PPM1L: variants seen among roughly 807,000 people sequenced by gnomAD.
The protein encoded by PPM1L is protein phosphatase 1L.
Under a neutral mutation model 31.4 loss-of-function variants are expected in PPM1L, and 13 were observed. That is an observed-to-expected ratio of 0.41 (90% CI 0.27 to 0.66). The LOEUF (loss-of-function observed/expected upper bound fraction) is 0.66. Among genes scored for constraint, PPM1L ranks in the 30% least tolerant of loss-of-function variants. The pLI is 0.29. For synonymous variants in PPM1L, 184 were observed against 175.4 expected (o/e 1.05, Z -0.39); for missense variants, 326 against 453.7 (o/e 0.72, Z 2.56).
intron 1 of PPM1L, among the ~76,000 whole-genome samples, chr3:160,780,394 A>G (rs1306965657): frequency 6.6e-6 from 1 of 152,218 alleles, no homozygotes; most frequent in Non-Finnish European, 1.5e-5. Flanking sequence ...AGAATGCAAA[A>G]AGGGAAGTGG....
intron 1 of PPM1L, among the ~76,000 whole-genome samples, chr3:160,798,743 G>C (rs1407828406): frequency 2.0e-5 from 3 of 152,178 alleles, no homozygotes; most frequent in African/African-American, 7.2e-5. Flanking sequence ...ATGGATCCAG[G>C]AGTAGTTTTG....
intron 1 of PPM1L, among the ~76,000 whole-genome samples, chr3:160,836,326 GAGAGAGAGAGAGAGAGAA>G (rs1713714220): frequency 6.6e-6 from 1 of 152,074 alleles, no homozygotes; most frequent in African/African-American, 2.4e-5. Context: ...AAGAGAGAGA[GAGAGAGAGAGAGAGAGAA>G]AGAGAGAGAG....
chr3:160,853,655 T>C (rs978863457), intron 1 of PPM1L, among the ~76,000 whole-genome samples: 3 of 151,832 alleles, frequency 2.0e-5, no homozygotes, highest in Non-Finnish European at 4.4e-5. Flanking sequence ...AGGGGTACAT[T>C]TGGGTTATAC....
chr3:160,846,443 C>T (rs905942641), intron 1 of PPM1L, among the ~76,000 whole-genome samples: 7 of 152,128 alleles, frequency 4.6e-5, no homozygotes, highest in African/African-American at 1.7e-4. Context: ...TACACATCGT[C>T]TCTTAAGTTT....
intron 1 of PPM1L, among the ~76,000 whole-genome samples, chr3:160,862,813 A>G (rs1234383324): frequency 6.6e-6 from 1 of 152,166 alleles, no homozygotes; most frequent in East Asian, 1.9e-4. Context: ...AAAAGCTTTA[A>G]TAAAGTGGCA....
At chr3:160,772,575 A>G (rs981468674) in intron 1 of PPM1L, among the ~76,000 whole-genome samples, 5 of 152,234 alleles carry the variant, frequency 3.3e-5, no homozygotes, top group African/African-American at 1.2e-4. Flanking sequence ...GATGCATACA[A>G]TAAACTGTAC....
At chr3:160,791,846 G>A (rs1188463417) in intron 1 of PPM1L, among the ~76,000 whole-genome samples, 1 of 152,170 alleles carries the variant, frequency 6.6e-6, no homozygotes, top group Non-Finnish European at 1.5e-5. Flanking sequence ...TCTGGAGGAG[G>A]AACAGTCTAG....
intron 1 of PPM1L, among the ~76,000 whole-genome samples, chr3:160,903,164 A>ATTGTGTGTGTGTGTGT (rs141428050): frequency 9.4e-6 from 1 of 106,530 alleles, no homozygotes; most frequent in Non-Finnish European, 1.8e-5. Flanking sequence ...TAGAAGCAAT[A>ATTGTGTGTGTGTGTGT]GTGTGTGTGT....
rs956181619 is a variant in PPM1L, at chr3:161,078,069, T to G, written c.*8912T>G. On this transcript the variant is annotated 3_prime_UTR_variant, in exon 4 of 4. Coordinates refer to ENST00000498165, the MANE Select transcript of PPM1L (RefSeq NM_139245.4). ...GTAAAGATCTGATTGTGATCAAAAG[T>G]AGGGTTTTTGTTTTGTTTTTAATCA... 1.3e-5 allele frequency: 2 copies of G among 152,138 alleles called. No individual in the cohort carries two copies. The highest frequency in any genetic ancestry group is 6.5e-5 in the Admixed American group (1 of 15,282). 9.4% of individuals were successfully genotyped at this position (152,138 alleles called of 1,614,324 possible).
chr3:160,980,302 G>T (rs564175593), intron 2 of PPM1L, among the ~76,000 whole-genome samples: 3 of 151,930 alleles, frequency 2.0e-5, no homozygotes, highest in Non-Finnish European at 1.5e-5. Context: ...CTTTCAAGGC[G>T]GTGAAGTATA....
At chr3:161,026,712 A>AG (rs1481285414) in intron 2 of PPM1L, among the ~76,000 whole-genome samples, 1 of 143,824 alleles carries the variant, frequency 7.0e-6, no homozygotes, top group Non-Finnish European at 1.5e-5. Context: ...AAAAAAAAAA[A>AG]GAAAATTGAC....
At chr3:160,884,338 G>T (rs1164743244) in intron 1 of PPM1L, among the ~76,000 whole-genome samples, 2 of 152,128 alleles carry the variant, frequency 1.3e-5, no homozygotes, top group African/African-American at 4.8e-5. Context: ...AACATTTGGA[G>T]ACTTGTTAGT....
At chr3:161,042,266 G>A (rs1718934477) in intron 2 of PPM1L, among the ~76,000 whole-genome samples, 2 of 152,176 alleles carry the variant, frequency 1.3e-5, no homozygotes, top group African/African-American at 4.8e-5. Context: ...TTTTGTTTCT[G>A]AGTTCACAAC....
chr3:160,836,328 G>C (rs1467170043), intron 1 of PPM1L, among the ~76,000 whole-genome samples: 1 of 152,106 alleles, frequency 6.6e-6, no homozygotes, highest in Non-Finnish European at 1.5e-5. Flanking sequence ...GAGAGAGAGA[G>C]AGAGAGAGAG....
At chr3:160,870,128 G>T (rs1712250492) in intron 1 of PPM1L, among the ~76,000 whole-genome samples, 1 of 152,134 alleles carries the variant, frequency 6.6e-6, no homozygotes, top group Non-Finnish European at 1.5e-5. Flanking sequence ...GTGGGTGTGG[G>T]GGTAGGGGAG....
chr3:160,771,498 C>G (rs1715254816), intron 1 of PPM1L, among the ~76,000 whole-genome samples: 1 of 147,836 alleles, frequency 6.8e-6, no homozygotes, highest in African/African-American at 2.5e-5. Context: ...CCTCCTTGGC[C>G]TCTCAAAGTG....
intron 1 of PPM1L, among the ~76,000 whole-genome samples, chr3:160,915,205 CAA>C (rs200613534): frequency 0.021 from 3,179 of 152,216 alleles, 100 homozygotes; most frequent in African/African-American, 0.073. Flanking sequence ...GCAATTTCAG[CAA>C]AGTCTCAGGA....
chr3:160,758,725 G>GATAA (rs1380451485), intron 1 of PPM1L, among the ~76,000 whole-genome samples: 1 of 152,142 alleles, frequency 6.6e-6, no homozygotes, highest in Non-Finnish European at 1.5e-5. Flanking sequence ...AAAGGGACAC[G>GATAA]ATAAATGCTT....
chr3:160,932,476 G>C (rs181750120), intron 1 of PPM1L, among the ~76,000 whole-genome samples: 2 of 152,276 alleles, frequency 1.3e-5, no homozygotes, highest in Admixed American at 6.5e-5. Context: ...CAAGCTGAGG[G>C]TGGTGATAAT....
Sources: gnomAD v4.1 joint callset for allele counts (sites outside exome capture counted in the v4.1 genomes callset) on GRCh38, gnomAD v4.1.1 for gene constraint, MANE v1.5 for transcripts, NCBI Gene and HGNC (gene_info 2026-07-23, HGNC 2026-07-21) for gene names.